The following MAD1L1 variants were observed in gnomAD, a reference collection of about 807,000 sequenced individuals.
The protein encoded by MAD1L1 is mitotic spindle assembly checkpoint protein MAD1.
A neutral mutation model predicts 96.9 loss-of-function variants in MAD1L1; 95 were observed. The observed-to-expected ratio is 0.98, with a 90% CI of 0.83 to 1.16. The LOEUF (loss-of-function observed/expected upper bound fraction) is 1.16. Ranked by LOEUF, MAD1L1 falls within the 50% of genes most tolerant of loss-of-function variation. MAD1L1 has a pLI of 0.00. For missense variants in MAD1L1, 1,007 were observed against 954.4 expected, an observed-to-expected ratio of 1.06 and a Z score of -0.73; for synonymous variants, 473 against 396.6, an observed-to-expected ratio of 1.19 and a Z score of -2.29.
intron 10 of MAD1L1, among the ~76,000 whole-genome samples, chr7:2,162,291 C>T (rs955940186): frequency 6.6e-6 from 1 of 152,158 alleles, no homozygotes; most frequent in African/African-American, 2.4e-5. Flanking sequence ...ACCTTACCCC[C>T]AACCCTGTGC....
chr7:1,994,370 TGAA>T (rs2128489873), intron 14 of MAD1L1, among the ~76,000 whole-genome samples: 1 of 152,214 alleles, frequency 6.6e-6, no homozygotes, highest in South Asian at 2.1e-4. Context: ...TCCGCTGAAC[TGAA>T]AAGACATCCT....
chr7:2,152,109 C>A (rs1789605683), intron 10 of MAD1L1, among the ~76,000 whole-genome samples: 1 of 152,244 alleles, frequency 6.6e-6, no homozygotes, highest in South Asian at 2.1e-4. Context: ...GCATGGCTTG[C>A]CCTGAGGCAG....
At chr7:1,890,180 C>T (rs942567732) in intron 18 of MAD1L1, among the ~76,000 whole-genome samples, 8 of 152,216 alleles carry the variant, frequency 5.3e-5, no homozygotes, top group Admixed American at 5.2e-4. Flanking sequence ...GGGTCTCACC[C>T]CAGGACCACG....
intron 10 of MAD1L1, among the ~76,000 whole-genome samples, chr7:2,161,099 T>C (rs1198774076): frequency 5.1e-4 from 7 of 13,754 alleles, no homozygotes; most frequent in Non-Finnish European, 9.8e-4. Flanking sequence ...AAGACGATAA[T>C]GGAGCCCCTG....
chr7:2,091,284 T>A (rs938767335), intron 11 of MAD1L1, among the ~76,000 whole-genome samples: 3 of 151,980 alleles, frequency 2.0e-5, no homozygotes, highest in African/African-American at 7.3e-5. Context: ...GAAGCCCTGC[T>A]CTGGGCCCCG....
chr7:1,993,622 G>A (rs537163555), intron 14 of MAD1L1, among the ~76,000 whole-genome samples: 1 of 152,290 alleles, frequency 6.6e-6, no homozygotes, highest in East Asian at 1.9e-4. Flanking sequence ...TACAACCAAG[G>A]CTCAGACATT....
chr7:2,129,482 C>T (rs1584391767), intron 11 of MAD1L1, among the ~76,000 whole-genome samples: 2 of 152,224 alleles, frequency 1.3e-5, no homozygotes, highest in African/African-American at 4.8e-5. Flanking sequence ...GGTCTGAATC[C>T]GTCACCTGCC....
rs573813383 is a variant in MAD1L1 at position 2,042,196 on chromosome 7, TG to T, written c.1218+26997del. On this transcript the variant is annotated intron_variant, in intron 12 of 18. Transcript: ENST00000265854. Reference sequence around the variant, plus strand: ...ATACACATGCACACACACACGCACATGGACACAGACACGCACACAGACGTGC... The same window carrying T: ...ATACACATGCACACACACACGCACATGACACAGACACGCACACAGACGTGC... Among the ~76,000 whole-genome samples the T allele has an allele frequency of 2.0e-4, 30 of 146,936 alleles. No homozygotes were observed. The East Asian group carries it at 5.9e-3, about 29-fold the overall frequency.
rs556238086 is a variant in MAD1L1 at position 2,114,253 on chromosome 7, G to A, written c.1073+34899C>T. On this transcript the variant is annotated intron_variant, in intron 11 of 18. Transcript: ENST00000265854. This position sits in a 1 kb window ranked among gnomAD's most constrained non-coding sequence, Gnocchi z 4.2. ...GAGAAAGACAAAAGGGCAAATGGCC[G>A]GATGGTAATGACTCATCCCAAAGGC... Among the ~76,000 whole-genome samples, 3 of 152,330 alleles carry A rather than the reference G, an allele frequency of 2.0e-5. No individual in the cohort carries two copies. Among genetic ancestry groups the A allele is most frequent in the South Asian group, 4.1e-4 (2 of 4,828 alleles).
At chr7:2,225,954 A>C (rs1374156557) in intron 3 of MAD1L1, among the ~76,000 whole-genome samples, 1 of 152,184 alleles carries the variant, frequency 6.6e-6, no homozygotes, top group Non-Finnish European at 1.5e-5. Flanking sequence ...ATGGAGAATG[A>C]GGTCTCCTTC....
chr7:2,124,828 A>G (rs1451318645), intron 11 of MAD1L1, among the ~76,000 whole-genome samples: 1 of 152,116 alleles, frequency 6.6e-6, no homozygotes, highest in Non-Finnish European at 1.5e-5. Context: ...CATCACATAC[A>G]ACAGAGGCAC....
chr7:2,029,267 T>C (rs1373035198), intron 12 of MAD1L1, among the ~76,000 whole-genome samples: 2 of 152,194 alleles, frequency 1.3e-5, no homozygotes, highest in African/African-American at 4.8e-5. Flanking sequence ...TGACGTGATA[T>C]ACCCATAAGA....
chr7:2,191,736 A>C (rs1368065549), intron 10 of MAD1L1, among the ~76,000 whole-genome samples: 1 of 151,978 alleles, frequency 6.6e-6, no homozygotes, highest in African/African-American at 2.4e-5. Context: ...GTCTCAAAAA[A>C]ATTAAAAAAA....
In MAD1L1 at chr7:1,983,152, GCGCA is replaced by G. The variant is rs1426173847; in HGVS notation, c.1417-2615_1417-2612del. Among the ~76,000 whole-genome samples the G allele has an allele frequency of 1.5e-3, 44 of 29,912 alleles. 1 individual carries two copies. The highest frequency in any genetic ancestry group is 5.5e-3 in the East Asian group (3 of 542). 19.6% of individuals were successfully genotyped at this position (29,912 alleles called of 152,430 possible). ...CACAGACGCGCGCGCGCGCGCGCGC[GCGCA>G]CACACACACACACACACACACACAC... On this transcript the variant is annotated intron_variant, in intron 14 of 18. Transcript: ENST00000265854.
rs1782140160 is a variant in MAD1L1, at chr7:1,821,830, CGGAAGAGTCT to C, written c.1999-5612_1999-5603del. 2.6e-5 allele frequency among the ~76,000 whole-genome samples: 4 copies of C among 152,322 alleles called. No homozygotes were observed. The South Asian group carries it at 8.3e-4, about 32-fold the overall frequency. ...AGAACCCTCAGCTCACGCTGCTTCA[CGGAAGAGTCT>C]GGCCGCCTTCCCTCATTCGGTCAGC... On this transcript the variant is annotated intron_variant, in intron 18 of 18. Coordinates refer to ENST00000265854, the MANE Select transcript of MAD1L1 (RefSeq NM_001013836.2).
chr7:1,899,267 G>A (rs1049798761), intron 17 of MAD1L1, among the ~76,000 whole-genome samples: 6 of 152,224 alleles, frequency 3.9e-5, no homozygotes, highest in African/African-American at 1.4e-4. Flanking sequence ...TTATCCCCGC[G>A]TTAATTATCA....
intron 12 of MAD1L1, among the ~76,000 whole-genome samples, chr7:2,063,292 G>A (rs1784742423): frequency 6.6e-6 from 1 of 152,230 alleles, no homozygotes; most frequent in South Asian, 2.1e-4. Context: ...CAGAGTCCTG[G>A]GCCCCTGGGA....
intron 12 of MAD1L1, among the ~76,000 whole-genome samples, chr7:2,050,691 A>G (rs1784130220): frequency 6.6e-6 from 1 of 152,118 alleles, no homozygotes; most frequent in South Asian, 2.1e-4. Flanking sequence ...GACACCAAGG[A>G]CAACTGAAGG....
chr7:2,170,787 G>A (rs886435828), intron 10 of MAD1L1, among the ~76,000 whole-genome samples: 21 of 152,168 alleles, frequency 1.4e-4, no homozygotes, highest in Non-Finnish European at 2.9e-5. Flanking sequence ...GGAAATCACA[G>A]GAAAGGCGAC....
Sources: allele counts gnomAD v4.1 joint callset (sites outside exome capture counted in the v4.1 genomes callset), GRCh38; gene constraint gnomAD v4.1.1; non-coding constraint Gnocchi (gnomAD v3.1); transcripts MANE v1.5; gene names NCBI Gene and HGNC (gene_info 2026-07-23, HGNC 2026-07-21).